Variants in CHD8 observed in about 807,000 individuals in gnomAD.
CHD8 encodes ATP-dependent chromatin remodeler CHD8.
Under a neutral mutation model 279.2 loss-of-function variants are expected in CHD8, and 31 were observed. The ratio of observed to expected loss-of-function variants is 0.11; its 90% CI spans 0.08 to 0.15. CHD8 has a LOEUF of 0.15. CHD8 is among the 10% of genes least tolerant of loss of function. The pLI is 1.00. For missense variants in CHD8, 2,146 were observed against 3,230.5 expected (o/e 0.66, Z 8.14); for synonymous variants, 1,081 against 1,139.6 (o/e 0.95, Z 1.04).
intron 5 of CHD8, among the ~76,000 whole-genome samples, chr14:21,421,438 T>C (rs1889041258): frequency 1.3e-5 from 2 of 151,906 alleles, no homozygotes; most frequent in African/African-American, 4.8e-5. Context: ...TACTTAACTA[T>C]TTCTCCACCA....
chr14:21,436,987 T>C (rs1889809009), intron 1 of CHD8: 1 of 1,271,034 alleles, frequency 7.9e-7, no homozygotes, highest in African/African-American at 1.7e-5. Flanking sequence ...AAAATGGAAA[T>C]GAGGTACATG....
chr14:21,388,700 T>A (rs978643191), intron 37 of CHD8, among the ~76,000 whole-genome samples: 1 of 152,044 alleles, frequency 6.6e-6, no homozygotes, highest in African/African-American at 2.4e-5. Context: ...CCCAGGCTGG[T>A]CTTGAACTCC....
At chr14:21,410,356 T>C (rs987532848) in intron 10 of CHD8, among the ~76,000 whole-genome samples, 3 of 152,186 alleles carry the variant, frequency 2.0e-5, no homozygotes, top group Admixed American at 2.0e-4. Flanking sequence ...GGAGCCAAAT[T>C]TGACACAGTG....
Position 21,405,302 on chromosome 14 carries a change from G to A in CHD8, c.3214C>T (p.Leu1072Phe), listed in dbSNP as rs758506127. 2 of 1,611,788 alleles carry A rather than the reference G, an allele frequency of 1.2e-6. No individual in the cohort carries two copies. Among genetic ancestry groups the A allele is most frequent in the Non-Finnish European group, 1.7e-6 (2 of 1,178,876 alleles). Residue 1072 changes from leucine (L) to phenylalanine (F), a missense_variant, in exon 16 of 38, where the codon CTT (leucine) becomes TTT (phenylalanine). Transcript: ENST00000646647. The surrounding 1 kb of genome is among the most constrained non-coding windows in gnomAD (Gnocchi z 4.2). ...TTGGTATGACCTGCCCCTTTGGAAA[G>A]GAAGGAGAAATTCTTCTCCAAAATA... ...RAILEKNFSF[L>F]SKGAGHTNMP...
At chr14:21,435,850 A>G (rs1192371847) in intron 1 of CHD8, among the ~76,000 whole-genome samples, 3 of 152,246 alleles carry the variant, frequency 2.0e-5, no homozygotes, top group African/African-American at 7.2e-5. Flanking sequence ...GGGCAGAGAA[A>G]GAAACATTCC....
Position 21,394,512 on chromosome 14 carries a change from T to A in CHD8, c.5391-27A>T, listed in dbSNP as rs760525187. 3 of 1,443,620 alleles carry A rather than the reference T, an allele frequency of 2.1e-6. No individual in the cohort carries two copies. In the African/African-American group the frequency reaches 4.4e-5, roughly 21 times the overall value. The allele number at this position is 1,443,620 out of a possible 1,614,324, so 89.4% of individuals were successfully genotyped here. A position where few individuals can be genotyped will look rare whatever the true frequency, so the allele number is the denominator to read the frequency against. On this transcript the variant is annotated intron_variant, in intron 30 of 37. Transcript: ENST00000646647. ...TACAAAAGGAAAAGTAGGGCAACAA[T>A]AATCAGAAGAACACATCAGAAGAAC...
Position 21,406,011 on chromosome 14 carries a change from AT to A in CHD8, c.2908-148del, listed in dbSNP as rs1253650935. On this transcript the variant is annotated intron_variant, in intron 14 of 37. Coordinates refer to ENST00000646647, the MANE Select transcript of CHD8 (RefSeq NM_001170629.2). ...AATGGACCAGTGATCTGGTCCATTA[AT>A]TTTTCTTCCATTTGTCCCCTCTTTC... 5 of 545,000 alleles carry A rather than the reference AT, an allele frequency of 9.2e-6. No individual in the cohort carries two copies. In the East Asian group the frequency reaches 1.6e-4, roughly 18 times the overall value. The allele number at this position is 545,000 out of a possible 1,614,324, so 33.8% of individuals were successfully genotyped here.
chr14:21,419,980 C>T (rs533226212), intron 5 of CHD8: 5 of 188,884 alleles, frequency 2.6e-5, no homozygotes, highest in East Asian at 1.7e-4. Flanking sequence ...CATCAGATTG[C>T]GCATTGCCTA....
Position 21,405,518 on chromosome 14 carries a change from T to G in CHD8, c.3052-54A>C. The G allele has an allele frequency of 3.2e-6, 5 of 1,572,128 alleles. No homozygotes were observed. Among genetic ancestry groups the G allele is most frequent in the Non-Finnish European group, 4.3e-6 (5 of 1,160,382 alleles). ...ATCAATAAGATGAGGGCGAACATTC[T>G]CACATTATGTAGAAACATGGAAAAA... On this transcript the variant is annotated intron_variant, in intron 15 of 37. Transcript: ENST00000646647. The surrounding 1 kb of genome is among the most constrained non-coding windows in gnomAD (Gnocchi z 4.2).
intron 26 of CHD8, 103 bp from the exon 27 acceptor site, chr14:21,398,055 T>C (rs2139457404): frequency 9.0e-7 from 1 of 1,111,984 alleles, no homozygotes; most frequent in South Asian, 1.7e-5. Context: ...ATATTGCTCA[T>C]AATGGAAAAC....
chr14:21,395,416 T>C (rs975837923), intron 28 of CHD8, 64 bp from the exon 29 acceptor site: 4 of 1,132,478 alleles, frequency 3.5e-6, no homozygotes, highest in East Asian at 2.5e-5. Context: ...GTTGGCACTC[T>C]GAAATCACTT....
intron 1 of CHD8, among the ~76,000 whole-genome samples, chr14:21,455,512 G>A (rs759104770): frequency 1.3e-5 from 2 of 152,070 alleles, no homozygotes; most frequent in African/African-American, 2.4e-5. Context: ...TTCACTGCCA[G>A]GAGACCCACA....
intron 7 of CHD8, chr14:21,415,361 G>A (rs935068841): frequency 2.7e-5 from 9 of 336,302 alleles, no homozygotes; most frequent in South Asian, 9.8e-5. Flanking sequence ...AAAGCCAGGC[G>A]CAGTGGTGCA....
rs369880034 is a variant in CHD8 at position 21,402,150 on chromosome 14, T to G, written c.3883-14A>C. On this transcript the variant is annotated splice_polypyrimidine_tract_variant and intron_variant, in intron 19 of 37. Coordinates refer to ENST00000646647, the MANE Select transcript of CHD8 (RefSeq NM_001170629.2). This position sits in a 1 kb window ranked among gnomAD's most constrained non-coding sequence, Gnocchi z 4.5. ...GAACTGTTGGATCTGTAAAAACCAATAGAAAGATGAAAAGACTATCAAGAG... is the reference window on the plus strand; with the variant it reads ...GAACTGTTGGATCTGTAAAAACCAAGAGAAAGATGAAAAGACTATCAAGAG... 4 of 1,578,684 alleles carry G rather than the reference T, an allele frequency of 2.5e-6. No individual in the cohort carries two copies. Among genetic ancestry groups the G allele is most frequent in the Non-Finnish European group, 3.4e-6 (4 of 1,164,074 alleles).
chr14:21,420,906 G>A (rs1481267828), intron 5 of CHD8, among the ~76,000 whole-genome samples: 1 of 152,070 alleles, frequency 6.6e-6, no homozygotes. Flanking sequence ...GGGATTACAA[G>A]CGTGCACCAC....
chr14:21,453,964 G>T (rs1441039321), intron 1 of CHD8, among the ~76,000 whole-genome samples: 1 of 151,210 alleles, frequency 6.6e-6, no homozygotes, highest in African/African-American at 2.5e-5. Flanking sequence ...GACCAGCCTA[G>T]CCAATATGGT....
In CHD8 at chr14:21,385,418, T is replaced by G; in HGVS notation, c.*195A>C. 2 of 849,944 alleles carry G rather than the reference T, an allele frequency of 2.4e-6. No individual in the cohort carries two copies. The highest frequency in any genetic ancestry group is 3.5e-6 in the Non-Finnish European group (2 of 574,072). 52.7% of individuals were successfully genotyped at this position (849,944 alleles called of 1,614,324 possible). On this transcript the variant is annotated 3_prime_UTR_variant, in exon 38 of 38. Transcript: ENST00000646647. ...ATGAGGAAGTGGTCATGTATTATTT[T>G]AGGAGTTCCCCTGCCCACCCAATCC...
intron 1 of CHD8, among the ~76,000 whole-genome samples, chr14:21,453,550 G>C (rs1285186610): frequency 6.6e-6 from 1 of 151,900 alleles, no homozygotes; most frequent in Admixed American, 6.5e-5. Flanking sequence ...ATACCACAAT[G>C]GTCACAGTAA....
intron 10 of CHD8, among the ~76,000 whole-genome samples, chr14:21,412,172 T>C (rs568406053): frequency 5.2e-4 from 79 of 151,926 alleles, no homozygotes; most frequent in African/African-American, 1.9e-3. Flanking sequence ...TTAGACGGAG[T>C]CTCACTCTGT....
Sources: allele counts gnomAD v4.1 joint callset (sites outside exome capture counted in the v4.1 genomes callset), GRCh38; gene constraint gnomAD v4.1.1; non-coding constraint Gnocchi (gnomAD v3.1); transcripts MANE v1.5; gene names NCBI Gene and HGNC (gene_info 2026-07-23, HGNC 2026-07-21).